The following MLXIP variants were observed in gnomAD, a reference collection of about 807,000 sequenced individuals.
MLXIP encodes MLX-interacting protein.
Under a neutral mutation model 87.2 loss-of-function variants are expected in MLXIP, and 30 were observed. The observed-to-expected ratio is 0.34, with a 90% confidence interval of 0.26 to 0.47. MLXIP has a LOEUF of 0.47. MLXIP is among the 20% of genes least tolerant of loss of function. The pLI is 1.00. For missense variants in MLXIP, 1,002 were observed against 1,240.1 expected (o/e 0.81, Z 2.88); for synonymous variants, 530 against 514.0 (o/e 1.03, Z -0.42).
At chr12:122,100,644 G>A (rs1593072346) in intron 1 of MLXIP, among the ~76,000 whole-genome samples, 1 of 152,182 alleles carries the variant, frequency 6.6e-6, no homozygotes, top group Admixed American at 6.5e-5. Context: ...ATCTCCTCTA[G>A]GCTTTTGGCT....
rs751969422 is a variant in MLXIP at position 122,141,732 on chromosome 12, A to C, written c.2680A>C (p.Ile894Leu). The C allele has an allele frequency of 6.2e-7, 1 of 1,613,858 alleles. No individual in the cohort carries two copies. Among genetic ancestry groups the C allele is most frequent in the East Asian group, 2.2e-5 (1 of 44,878 alleles). ...GCGGCAGCTGAGCACCTCCACCTCC[A>C]TCCTCACAGACCCGGCACAGCTGCC... ...TLRQLSTSTS[I>L]LTDPAQLPEQ... Residue 894 changes from isoleucine to leucine, a missense_variant, in exon 17 of 17, where the codon ATC becomes CTC. This residue lies in a region of MLXIP where 746 missense variants were observed against 897.0 expected (regional missense o/e 0.83). Transcript: ENST00000319080.
intron 7 of MLXIP, among the ~76,000 whole-genome samples, chr12:122,131,563 C>T (rs1480466496): frequency 3.3e-5 from 5 of 151,176 alleles, no homozygotes; most frequent in Non-Finnish European, 7.4e-5. Context: ...GATCCTCCCA[C>T]CTCAGCCTCC....
intron 8 of MLXIP, 74 bp downstream of exon 8, chr12:122,132,457 G>T: frequency 1.6e-6 from 2 of 1,222,794 alleles, no homozygotes; most frequent in East Asian, 2.5e-5. Context: ...TTTGCTGCCA[G>T]AGCAAGGCTA....
intron 1 of MLXIP, among the ~76,000 whole-genome samples, chr12:122,100,443 C>A (rs1439705333): frequency 6.6e-6 from 1 of 152,204 alleles, no homozygotes; most frequent in Non-Finnish European, 1.5e-5. Flanking sequence ...AAGTAGAAAT[C>A]TGTCTCAAAT....
At chr12:122,088,618 C>T (rs896506013) in intron 1 of MLXIP, among the ~76,000 whole-genome samples, 4 of 152,030 alleles carry the variant, frequency 2.6e-5, no homozygotes, top group Non-Finnish European at 4.4e-5. Flanking sequence ...TAGAAGCAGC[C>T]GCCTGGGGCA....
intron 13 of MLXIP, 64 bp downstream of exon 13, chr12:122,138,359 G>C (rs1395793516): frequency 2.5e-6 from 4 of 1,611,834 alleles, no homozygotes; most frequent in Non-Finnish European, 3.4e-6. Flanking sequence ...CTCCCTGCGT[G>C]GTCATTGCTG....
chr12:122,080,970 A>G (rs761068021), intron 1 of MLXIP, among the ~76,000 whole-genome samples: 2 of 152,192 alleles, frequency 1.3e-5, no homozygotes, highest in Non-Finnish European at 2.9e-5. Flanking sequence ...ATGGACTGGA[A>G]AGGTCTCACC....
intron 1 of MLXIP, among the ~76,000 whole-genome samples, chr12:122,094,704 T>G (rs1952321264): frequency 6.9e-6 from 1 of 145,194 alleles, no homozygotes; most frequent in African/African-American, 2.6e-5. Flanking sequence ...GTTGTGTGTG[T>G]GGTGTGTTGT....
At chr12:122,130,572 C>T (rs527831365) in intron 6 of MLXIP, among the ~76,000 whole-genome samples, 4 of 151,658 alleles carry the variant, frequency 2.6e-5, no homozygotes, top group Admixed American at 1.3e-4. Context: ...GAACAGTGTT[C>T]GGGGAGGTCT....
intron 1 of MLXIP, among the ~76,000 whole-genome samples, chr12:122,085,505 G>C (rs2135894287): frequency 6.6e-6 from 1 of 152,080 alleles, no homozygotes; most frequent in Middle Eastern, 3.4e-3. Context: ...CTGGGTTCAA[G>C]TGATTCTCCT....
chr12:122,104,746 A>AT (rs1473468696), intron 1 of MLXIP, among the ~76,000 whole-genome samples: 1 of 151,462 alleles, frequency 6.6e-6, no homozygotes, highest in Non-Finnish European at 1.5e-5. Context: ...CGCCCAGCTA[A>AT]TTTTTTTGTA....
chr12:122,116,440 G>A (rs1565974131), intron 1 of MLXIP, among the ~76,000 whole-genome samples: 2 of 152,206 alleles, frequency 1.3e-5, no homozygotes, highest in South Asian at 2.1e-4. Flanking sequence ...TGGCTAACGC[G>A]CAGGTTTTTA....
intron 1 of MLXIP, among the ~76,000 whole-genome samples, chr12:122,085,319 C>T (rs972082970): frequency 4.6e-5 from 7 of 152,244 alleles, no homozygotes; most frequent in Non-Finnish European, 7.4e-5. Flanking sequence ...CTAACAGCTT[C>T]GGCACATCCT....
chr12:122,084,145 TGTG>T (rs1009411440), intron 1 of MLXIP, among the ~76,000 whole-genome samples: 2 of 2,836 alleles, frequency 7.1e-4, no homozygotes, highest in Non-Finnish European at 2.8e-3. Context: ...TCAGCCAGAT[TGTG>T]TGTGTGTGTG....
chr12:122,129,415 C>T, intron 4 of MLXIP, 173 bp from the exon 5 acceptor site: 1 of 398,658 alleles, frequency 2.5e-6, no homozygotes, highest in Non-Finnish European at 3.4e-6. Context: ...GTTGTCTTTG[C>T]TCTCAGTTTC....
rs773601831 is a variant in MLXIP at position 122,139,633 on chromosome 12, C to T, written c.2508+695C>T. Among the ~76,000 whole-genome samples, 3 of 152,216 alleles carry T rather than the reference C, an allele frequency of 2.0e-5. 1 individual carries two copies. The highest frequency in any genetic ancestry group is 3.9e-4 in the East Asian group (2 of 5,184). ...TGCAGCTATCGGGCAGGGCAGGGCG[C>T]AGCACCTGTGTGTGCTGGAAGGGAC... On this transcript the variant is annotated intron_variant, in intron 15 of 16. Coordinates refer to ENST00000319080, the MANE Select transcript of MLXIP (RefSeq NM_014938.6).
At chr12:122,090,934 A>C (rs911802926) in intron 1 of MLXIP, among the ~76,000 whole-genome samples, 2 of 152,126 alleles carry the variant, frequency 1.3e-5, no homozygotes, top group African/African-American at 4.8e-5. Context: ...CAGAAAGCAG[A>C]GCAGTGGCTG....
intron 11 of MLXIP, chr12:122,136,111 T>C (rs1262083527): frequency 6.1e-6 from 1 of 163,986 alleles, no homozygotes; most frequent in Non-Finnish European, 1.3e-5. Context: ...CTGTGGCCCA[T>C]GTCCACTCTT....
chr12:122,131,310 G>A (rs2135977044), intron 7 of MLXIP, among the ~76,000 whole-genome samples: 1 of 152,132 alleles, frequency 6.6e-6, no homozygotes, highest in African/African-American at 2.4e-5. Flanking sequence ...CAGGATAGTT[G>A]CCAACATGTG....
Sources: allele counts gnomAD v4.1 joint callset (sites outside exome capture counted in the v4.1 genomes callset), GRCh38; gene constraint gnomAD v4.1.1; regional missense constraint gnomAD v4.1.1; transcripts MANE v1.5; gene names NCBI Gene and HGNC (gene_info 2026-07-23, HGNC 2026-07-21).